DLEC1: variants seen among roughly 807,000 people sequenced by gnomAD.
DLEC1 encodes deleted in lung and esophageal cancer protein 1.
In DLEC1, 146 loss-of-function variants were observed where a neutral mutation model predicts 198.1. The ratio of observed to expected loss-of-function variants is 0.74; its 90% CI spans 0.64 to 0.85. The LOEUF is 0.85. Among genes scored for constraint, DLEC1 ranks in the 40% least tolerant of loss-of-function variants. DLEC1 has a pLI of 0.00. For missense variants in DLEC1, 2,233 were observed against 2,220.0 expected, an observed-to-expected ratio of 1.01 and a Z score of -0.12; for synonymous variants, 897 against 866.8, an observed-to-expected ratio of 1.03 and a Z score of -0.61.
At chr3:38,104,380 G>A (rs369360847) in intron 19 of DLEC1, among the ~76,000 whole-genome samples, 4 of 152,106 alleles carry the variant, frequency 2.6e-5, no homozygotes, top group South Asian at 2.1e-4. Context: ...TAGCTTGAAC[G>A]TGGGAGGCAG....
intron 2 of DLEC1, among the ~76,000 whole-genome samples, chr3:38,056,652 T>G (rs1206382559): frequency 6.6e-6 from 1 of 152,164 alleles, no homozygotes; most frequent in African/African-American, 2.4e-5. Context: ...AAATAAAAAG[T>G]AAAAACAGGC....
At chr3:38,102,612 G>C (rs1699362458) in intron 19 of DLEC1, among the ~76,000 whole-genome samples, 1 of 152,176 alleles carries the variant, frequency 6.6e-6, no homozygotes, top group Non-Finnish European at 1.5e-5. Flanking sequence ...AGGAGCTGGT[G>C]TTGTAAGTTT....
chr3:38,101,585 A>T (rs1350108237), intron 19 of DLEC1, among the ~76,000 whole-genome samples: 1 of 152,142 alleles, frequency 6.6e-6, no homozygotes, highest in Non-Finnish European at 1.5e-5. Flanking sequence ...AAACATTTAA[A>T]TGCTCATTTA....
chr3:38,050,945 T>C (rs1701087211), intron 2 of DLEC1, among the ~76,000 whole-genome samples: 2 of 151,750 alleles, frequency 1.3e-5, no homozygotes, highest in South Asian at 4.2e-4. Context: ...TCTCTCTTTT[T>C]TTTTTTTGCT....
chr3:38,052,617 G>A (rs951284609), intron 2 of DLEC1, among the ~76,000 whole-genome samples: 1 of 152,200 alleles, frequency 6.6e-6, no homozygotes, highest in Non-Finnish European at 1.5e-5. Context: ...ATGAGGTGTG[G>A]AGTTGGAACT....
intron 6 of DLEC1, among the ~76,000 whole-genome samples, chr3:38,078,149 A>G (rs1365174210): frequency 1.3e-5 from 2 of 152,164 alleles, no homozygotes; most frequent in African/African-American, 2.4e-5. Context: ...GAATAATGTG[A>G]GAGGCCAGAT....
At position 38,109,501 on chromosome 3, in the gene DLEC1, T is replaced by C; in HGVS notation, c.3199T>C (p.Ser1067Pro). ...GAAGAAGCCACTGGTTCTAGGCATT[T>C]CTGGGAAGCCCCAGGGACTGCAAGT... The part of the protein sequence containing the change: ...GMKKPLVLGI[S>P]GKPQGLQVAI... Residue 1067 changes from serine (S) to proline (P), a missense_variant, in exon 22 of 37, where the codon TCT becomes CCT. Transcript: ENST00000308059. 1.2e-6 allele frequency: 2 copies of C among 1,614,238 alleles called. No individual in the cohort carries two copies. The highest frequency in any genetic ancestry group is 1.7e-6 in the Non-Finnish European group (2 of 1,180,034).
intron 6 of DLEC1, among the ~76,000 whole-genome samples, chr3:38,066,796 A>G (rs1026927386): frequency 6.6e-6 from 1 of 150,766 alleles, no homozygotes; most frequent in African/African-American, 2.5e-5. Flanking sequence ...AAGCAGACCA[A>G]TATGGTAGCT....
intron 33 of DLEC1, 56 bp from the exon 34 acceptor site, chr3:38,120,392 G>A: frequency 6.3e-7 from 1 of 1,594,716 alleles, no homozygotes; most frequent in Non-Finnish European, 8.6e-7. Context: ...TCCAGGTGGG[G>A]AAGTGGCCAC....
chr3:38,085,266 A>G lies in DLEC1; in HGVS notation c.1262-8A>G. 1 of 1,614,052 alleles carries G rather than the reference A, an allele frequency of 6.2e-7. No individual in the cohort carries two copies. Among genetic ancestry groups the G allele is most frequent in the Non-Finnish European group, 8.5e-7 (1 of 1,179,970 alleles). Reference sequence around the variant, plus strand: ...AGGATCCTCACTTGTCACTTTTGTCATGCACAGGGATGTTCCCAGGAAAAG... The same window carrying G: ...AGGATCCTCACTTGTCACTTTTGTCGTGCACAGGGATGTTCCCAGGAAAAG... On this transcript the variant is annotated splice_polypyrimidine_tract_variant and splice_region_variant and intron_variant, in intron 7 of 36. Coordinates refer to ENST00000308059, the MANE Select transcript of DLEC1 (RefSeq NM_007335.4).
intron 6 of DLEC1, among the ~76,000 whole-genome samples, chr3:38,073,593 G>C (rs563695771): frequency 2.4e-4 from 37 of 152,228 alleles, no homozygotes; most frequent in African/African-American, 8.7e-4. Context: ...GGCTATAGTA[G>C]TCAGGGAAGC....
intron 2 of DLEC1, among the ~76,000 whole-genome samples, chr3:38,047,619 T>C (rs951891084): frequency 6.6e-6 from 1 of 152,214 alleles, no homozygotes; most frequent in African/African-American, 2.4e-5. Flanking sequence ...CTTCCTTGTA[T>C]TTCCTATAAA....
intron 1 of DLEC1, among the ~76,000 whole-genome samples, chr3:38,041,225 A>G (rs1463039712): frequency 1.3e-5 from 2 of 151,936 alleles, no homozygotes. Flanking sequence ...GATGGTCTCG[A>G]TCTCCTGACC....
intron 6 of DLEC1, among the ~76,000 whole-genome samples, chr3:38,064,546 C>T (rs899092687): frequency 1.6e-4 from 24 of 152,094 alleles, no homozygotes; most frequent in African/African-American, 5.3e-4. Context: ...GACGGGGTGG[C>T]GGCCGGGCAG....
At chr3:38,077,406 G>T (rs1431440296) in intron 6 of DLEC1, among the ~76,000 whole-genome samples, 1 of 152,326 alleles carries the variant, frequency 6.6e-6, no homozygotes, top group Middle Eastern at 3.4e-3. Flanking sequence ...GTAGCATTCC[G>T]AGGACAGGTC....
At chr3:38,065,727 T>C (rs1427098885) in intron 6 of DLEC1, among the ~76,000 whole-genome samples, 1 of 152,232 alleles carries the variant, frequency 6.6e-6, no homozygotes, top group Non-Finnish European at 1.5e-5. Context: ...GATTCCTTAA[T>C]ATCAACTAAT....
At chr3:38,039,974 C>T (rs1352507999) in intron 1 of DLEC1, among the ~76,000 whole-genome samples, 1 of 152,204 alleles carries the variant, frequency 6.6e-6, no homozygotes, top group Non-Finnish European at 1.5e-5. Context: ...CCAAAAGTCA[C>T]CCGGCTTTGG....
intron 3 of DLEC1, 81 bp from the exon 4 acceptor site, chr3:38,062,088 G>T: frequency 2.1e-6 from 3 of 1,415,250 alleles, no homozygotes; most frequent in South Asian, 1.2e-5. Context: ...CTGTGGCTTT[G>T]GTGGTTTTAT....
intron 2 of DLEC1, among the ~76,000 whole-genome samples, chr3:38,050,757 C>T (rs1438287769): frequency 6.6e-6 from 1 of 152,140 alleles, no homozygotes; most frequent in East Asian, 1.9e-4. Flanking sequence ...ACATTATTTC[C>T]CTCAGTCTTC....
Sources: allele counts gnomAD v4.1 joint callset (sites outside exome capture counted in the v4.1 genomes callset), GRCh38; gene constraint gnomAD v4.1.1; transcripts MANE v1.5; gene names NCBI Gene and HGNC (gene_info 2026-07-23, HGNC 2026-07-21).